Variants in CTNNA3 observed in about 807,000 individuals in gnomAD.
CTNNA3 encodes catenin alpha-3.
CTNNA3 carries 76 observed loss-of-function variants against 95.7 expected under a neutral mutation model. The observed-to-expected ratio is 0.79, with a 90% CI of 0.66 to 0.96. CTNNA3 has a LOEUF of 0.96. Ranked by LOEUF, CTNNA3 falls within the 40% of genes least tolerant of loss-of-function variation. The pLI is 0.00. For synonymous variants in CTNNA3, 431 were observed against 374.4 expected, an observed-to-expected ratio of 1.15 and a Z score of -1.74; for missense variants, 1,191 against 1,089.8, an observed-to-expected ratio of 1.09 and a Z score of -1.31.
intron 3 of CTNNA3, among the ~76,000 whole-genome samples, chr10:67,583,650 G>T (rs1357207056): frequency 6.6e-6 from 1 of 152,202 alleles, no homozygotes; most frequent in Non-Finnish European, 1.5e-5. Flanking sequence ...ATCCTGAGGA[G>T]TGTTTTCCAA....
At chr10:67,352,625 A>G (rs891258993) in intron 5 of CTNNA3, among the ~76,000 whole-genome samples, 2 of 152,004 alleles carry the variant, frequency 1.3e-5, no homozygotes, top group Non-Finnish European at 2.9e-5. Context: ...TTTTTCCTGT[A>G]TGTTAGCAGT....
chr10:66,293,998 C>A (rs2091734155), intron 12 of CTNNA3, among the ~76,000 whole-genome samples: 1 of 152,016 alleles, frequency 6.6e-6, no homozygotes, highest in Non-Finnish European at 1.5e-5. Flanking sequence ...AATCAAGCAC[C>A]TTTCTAATAG....
At chr10:66,231,920 C>T (rs796674730) in intron 13 of CTNNA3, among the ~76,000 whole-genome samples, 3 of 152,262 alleles carry the variant, frequency 2.0e-5, no homozygotes, top group African/African-American at 7.2e-5. Context: ...ATTAGTATTA[C>T]TGAATAAACT....
At chr10:66,571,233 C>T (rs902636541) in intron 10 of CTNNA3, among the ~76,000 whole-genome samples, 1 of 152,148 alleles carries the variant, frequency 6.6e-6, no homozygotes, top group South Asian at 2.1e-4. Context: ...GCAGATTCTA[C>T]CTTTAATATA....
Position 66,927,262 on chromosome 10 carries a change from C to A in CTNNA3, c.1048-151738G>T. ...AATACGCAGACTCAAAGAGCTGATT[C>A]TTAGTTCCAATAGAATCTCCTATTT... is the stretch of plus-strand genomic sequence containing the variant. On this transcript the variant is annotated intron_variant, in intron 7 of 17. Coordinates refer to ENST00000433211, the MANE Select transcript of CTNNA3 (RefSeq NM_013266.4). This position sits in a 1 kb window ranked among gnomAD's most constrained non-coding sequence, Gnocchi z 4.7. 6.2e-7 allele frequency: 1 copy of A among 1,614,082 alleles called. No homozygotes were observed. Among genetic ancestry groups the A allele is most frequent in the Non-Finnish European group, 8.5e-7 (1 of 1,180,024 alleles).
chr10:66,421,901 T>C (rs111658344), intron 11 of CTNNA3, among the ~76,000 whole-genome samples: 1 of 141,384 alleles, frequency 7.1e-6, no homozygotes. Flanking sequence ...AAATGTGATA[T>C]ATATATATAT....
intron 7 of CTNNA3, among the ~76,000 whole-genome samples, chr10:66,988,378 A>G (rs1281748574): frequency 1.3e-5 from 2 of 152,194 alleles, no homozygotes; most frequent in African/African-American, 4.8e-5. Flanking sequence ...AGCAACATTT[A>G]AGCCAATACA....
chr10:67,156,100 T>G (rs2132077225), intron 7 of CTNNA3, among the ~76,000 whole-genome samples: 1 of 152,246 alleles, frequency 6.6e-6, no homozygotes, highest in South Asian at 2.1e-4. Context: ...CACAGTAGTC[T>G]TTTAAGATCC....
At chr10:67,283,578 T>C (rs568679711) in intron 5 of CTNNA3, among the ~76,000 whole-genome samples, 2 of 152,198 alleles carry the variant, frequency 1.3e-5, no homozygotes, top group Non-Finnish European at 2.9e-5. Context: ...GATGCAGAGA[T>C]GCAGACCCCA....
chr10:67,285,913 T>A (rs1290442768), intron 5 of CTNNA3, among the ~76,000 whole-genome samples: 2 of 152,164 alleles, frequency 1.3e-5, no homozygotes, highest in Admixed American at 6.5e-5. Context: ...CTAACAAAGC[T>A]TGTTAAGAAA....
intron 13 of CTNNA3, among the ~76,000 whole-genome samples, chr10:66,138,715 C>T (rs1275873571): frequency 6.6e-5 from 10 of 151,914 alleles, no homozygotes; most frequent in African/African-American, 2.4e-4. Flanking sequence ...AGAAATCAGC[C>T]AGGTGTGGTG....
intron 5 of CTNNA3, among the ~76,000 whole-genome samples, chr10:67,337,629 A>C (rs139561625): frequency 4.3e-4 from 65 of 152,262 alleles, no homozygotes; most frequent in African/African-American, 1.5e-3. Context: ...TTTTTCATTA[A>C]AGTAACAGCC....
At chr10:67,698,978 C>G (rs1410748681), upstream of CTNNA3, among the ~76,000 whole-genome samples, 1 of 152,120 alleles carries the variant, frequency 6.6e-6, no homozygotes, top group Non-Finnish European at 1.5e-5. Flanking sequence ...ATCATCAAAT[C>G]TATAAACCCA....
At chr10:67,321,183 A>T (rs1486389604) in intron 5 of CTNNA3, among the ~76,000 whole-genome samples, 1 of 152,242 alleles carries the variant, frequency 6.6e-6, no homozygotes, top group African/African-American at 2.4e-5. Flanking sequence ...AAGAGAGAAG[A>T]TAAGCACTAA....
chr10:66,156,396 G>C (rs539143751), intron 13 of CTNNA3, among the ~76,000 whole-genome samples: 1 of 151,896 alleles, frequency 6.6e-6, no homozygotes, highest in East Asian at 1.9e-4. Context: ...ACTAGTAAAG[G>C]ATTTGTGAAG....
intron 7 of CTNNA3, among the ~76,000 whole-genome samples, chr10:66,975,102 T>C (rs1849957036): frequency 6.6e-6 from 1 of 152,294 alleles, no homozygotes; most frequent in East Asian, 1.9e-4. Flanking sequence ...GGTCATTCTT[T>C]AGTCCCATTT....
rs926470869 is a variant in CTNNA3, at chr10:66,420,847, A to G, written c.1532-41495T>C. Among the ~76,000 whole-genome samples the G allele has an allele frequency of 2.3e-5, 3 of 132,116 alleles. No individual in the cohort carries two copies. In the East Asian group the frequency reaches 6.1e-4, roughly 27 times the overall value. The allele number at this position is 132,116 out of a possible 152,430, so 86.7% of individuals were successfully genotyped here. A position where few individuals can be genotyped will look rare whatever the true frequency, so the allele number is the denominator to read the frequency against. On this transcript the variant is annotated intron_variant, in intron 11 of 17. Transcript: ENST00000433211. ...TAAATAAATAAATAAATAAAAAACA[A>G]TATGGAGATTTCTCAAACAAACTAA...
At chr10:67,415,605 C>T (rs1308458174) in intron 5 of CTNNA3, among the ~76,000 whole-genome samples, 1 of 152,144 alleles carries the variant, frequency 6.6e-6, no homozygotes. Flanking sequence ...CTATTCCTGT[C>T]AAACTACTAA....
intron 5 of CTNNA3, among the ~76,000 whole-genome samples, chr10:67,392,209 GA>G (rs976540285): frequency 2.0e-5 from 3 of 151,856 alleles, no homozygotes; most frequent in African/African-American, 7.3e-5. Flanking sequence ...AAATTTACAA[GA>G]AAAAAACAAA....
Sources: allele counts gnomAD v4.1 joint callset (sites outside exome capture counted in the v4.1 genomes callset), GRCh38; gene constraint gnomAD v4.1.1; non-coding constraint Gnocchi (gnomAD v3.1); transcripts MANE v1.5; gene names NCBI Gene and HGNC (gene_info 2026-07-23, HGNC 2026-07-21).